Variants in DGLUCY observed in about 807,000 individuals in gnomAD.
The protein encoded by DGLUCY is D-glutamate cyclase, mitochondrial.
DGLUCY carries 58 observed loss-of-function variants against 58.5 expected under a neutral mutation model. The observed-to-expected ratio is 0.99, with a 90% confidence interval of 0.80 to 1.23. The LOEUF (loss-of-function observed/expected upper bound fraction) is 1.23, where lower values mean the gene tolerates loss of function less well. Ranked by LOEUF, DGLUCY falls within the 50% of genes most tolerant of loss-of-function variation. The pLI is 0.00. For synonymous variants in DGLUCY, 325 were observed against 314.1 expected (o/e 1.03, Z -0.37); for missense variants, 779 against 784.7 (o/e 0.99, Z 0.09).
chr14:91,224,591 G>A (rs1381405367), intron 13 of DGLUCY, 93 bp from the exon 14 acceptor site: 3 of 1,338,502 alleles, frequency 2.2e-6, no homozygotes, highest in Admixed American at 2.9e-5. Context: ...AGTATGTCAA[G>A]GCAAAGGATC....
chr14:91,091,150 AATACAATACC>A (rs1487813237), intron 1 of DGLUCY: 1 of 152,186 alleles, frequency 6.6e-6, no homozygotes, highest in African/African-American at 2.4e-5. Context: ...ATAAAAATAC[AATACAATACC>A]ATACAATACA....
intron 3 of DGLUCY, among the ~76,000 whole-genome samples, chr14:91,165,878 A>T (rs181772823): frequency 1.3e-5 from 2 of 152,320 alleles, no homozygotes; most frequent in East Asian, 3.9e-4. Context: ...TCCAAAATGC[A>T]TGTTTGTGGC....
At chr14:91,117,832 A>G (rs2045077010) in intron 1 of DGLUCY, among the ~76,000 whole-genome samples, 3 of 152,228 alleles carry the variant, frequency 2.0e-5, no homozygotes, top group African/African-American at 7.2e-5. Flanking sequence ...ATACATGTGA[A>G]GTACACATTG....
intron 5 of DGLUCY, among the ~76,000 whole-genome samples, chr14:91,172,946 A>G (rs1166878365): frequency 6.6e-6 from 1 of 152,028 alleles, no homozygotes; most frequent in Middle Eastern, 3.2e-3. Flanking sequence ...GTCTGGCCAC[A>G]TTTTTCTATT....
intron 1 of DGLUCY, among the ~76,000 whole-genome samples, chr14:91,079,555 T>G (rs1443820586): frequency 6.6e-6 from 1 of 152,136 alleles, no homozygotes; most frequent in East Asian, 1.9e-4. Context: ...GGTTTCGCCA[T>G]ATGGGCCGGG....
chr14:91,129,593 A>T (rs1467780385), intron 1 of DGLUCY, among the ~76,000 whole-genome samples: 1 of 152,048 alleles, frequency 6.6e-6, no homozygotes, highest in Admixed American at 6.6e-5. Context: ...ATTAAAAAAA[A>T]AAAAAGAATG....
chr14:91,109,319 G>A (rs942265713), upstream of DGLUCY, among the ~76,000 whole-genome samples: 3 of 152,084 alleles, frequency 2.0e-5, no homozygotes, highest in South Asian at 4.1e-4. Flanking sequence ...CAACAGCAGC[G>A]TGGACTCAAG....
chr14:91,144,217 G>GT (rs2046891494), intron 1 of DGLUCY, among the ~76,000 whole-genome samples: 3 of 152,208 alleles, frequency 2.0e-5, no homozygotes, highest in Admixed American at 6.5e-5. Context: ...TCTGGTTTCA[G>GT]GAGATTCTAC....
chr14:91,097,891 G>A (rs1188055719), intron 1 of DGLUCY, among the ~76,000 whole-genome samples: 3 of 152,186 alleles, frequency 2.0e-5, no homozygotes, highest in African/African-American at 7.2e-5. Flanking sequence ...CTCCTACCTT[G>A]TATGATGTCA....
chr14:91,122,196 C>T (rs1438851571), intron 1 of DGLUCY, among the ~76,000 whole-genome samples: 2 of 151,788 alleles, frequency 1.3e-5, no homozygotes, highest in Non-Finnish European at 2.9e-5. Flanking sequence ...GGGTCCCACC[C>T]TGTTCCCCAG....
chr14:91,222,253 G>A (rs1239141452), intron 13 of DGLUCY, among the ~76,000 whole-genome samples: 2 of 152,216 alleles, frequency 1.3e-5, no homozygotes, highest in East Asian at 3.8e-4. Flanking sequence ...TGGTCCCTGT[G>A]TCTCTTGGAG....
chr14:91,218,880 C>T (rs1165683055), intron 13 of DGLUCY, among the ~76,000 whole-genome samples: 1 of 151,852 alleles, frequency 6.6e-6, no homozygotes, highest in Non-Finnish European at 1.5e-5. Context: ...GGAATGTGCA[C>T]AGTAAGCTTC....
At chr14:91,190,392 A>G (rs779737403) in intron 9 of DGLUCY, among the ~76,000 whole-genome samples, 12 of 152,168 alleles carry the variant, frequency 7.9e-5, no homozygotes, top group Non-Finnish European at 1.5e-4. Context: ...AACTTGTAAG[A>G]TGAATGCACA....
chr14:91,131,199 C>T (rs77206258), intron 1 of DGLUCY, among the ~76,000 whole-genome samples: 32 of 152,284 alleles, frequency 2.1e-4, no homozygotes, highest in African/African-American at 7.7e-4. Context: ...ATCTTCCTGT[C>T]TTGGCCTTCC....
chr14:91,121,660 G>A (rs1304950501), intron 1 of DGLUCY, among the ~76,000 whole-genome samples: 10 of 148,574 alleles, frequency 6.7e-5, no homozygotes, highest in Non-Finnish European at 1.5e-5. Context: ...ATAATTTCAA[G>A]AACAAACTCA....
intron 1 of DGLUCY, among the ~76,000 whole-genome samples, chr14:91,154,058 A>G (rs998807414): frequency 6.6e-6 from 1 of 152,068 alleles, no homozygotes; most frequent in Non-Finnish European, 1.5e-5. Context: ...GGTGTGCACC[A>G]CTATGCCCAG....
rs79076165 is a variant in DGLUCY, at chr14:91,116,381, A to G, written c.-82+2098A>G. The stretch of plus-strand genomic sequence containing the variant: ...GAGGAAACAGAATTGTAGAGAAACT[A>G]AATGACTGCCCTTGGTCCTTCAGTA... On this transcript the variant is annotated intron_variant, in intron 1 of 13. Coordinates refer to ENST00000256324, the MANE Select transcript of DGLUCY (RefSeq NM_001102368.3). Among the ~76,000 whole-genome samples, 458 of 152,360 alleles carry G rather than the reference A, an allele frequency of 3.0e-3. 3 individuals carry two copies. The highest frequency in any genetic ancestry group is 0.01 in the African/African-American group (434 of 41,586).
chr14:91,102,210 T>C (rs114501078), intron 1 of DGLUCY, among the ~76,000 whole-genome samples: 1 of 152,096 alleles, frequency 6.6e-6, no homozygotes, highest in East Asian at 1.9e-4. Context: ...TTTTAAAAAA[T>C]AAATCACCAG....
In DGLUCY at chr14:91,217,462, G is replaced by A. The variant is rs75484951; in HGVS notation, c.1716+1906G>A. Among the ~76,000 whole-genome samples, 654 of 148,792 alleles carry A rather than the reference G, an allele frequency of 4.4e-3. 1 individual carries two copies. Among genetic ancestry groups the A allele is most frequent in the Middle Eastern group, 6.9e-3 (2 of 290 alleles). ...TCCCAACGTCTGCAACCAGACGTCC[G>A]CATTGCTGCCCCTTTTCTGTCTTTT... On this transcript the variant is annotated intron_variant, in intron 13 of 13. Coordinates refer to ENST00000256324, the MANE Select transcript of DGLUCY (RefSeq NM_001102368.3).
Sources: gnomAD v4.1 joint callset for allele counts (sites outside exome capture counted in the v4.1 genomes callset) on GRCh38, gnomAD v4.1.1 for gene constraint, MANE v1.5 for transcripts, NCBI Gene and HGNC (gene_info 2026-07-23, HGNC 2026-07-21) for gene names.